MAGI2: variants seen among roughly 807,000 people sequenced by gnomAD.
MAGI2 encodes the protein membrane-associated guanylate kinase, WW and PDZ domain-containing protein 2.
Under a neutral mutation model 133.3 loss-of-function variants are expected in MAGI2, and 35 were observed. That is an observed-to-expected ratio of 0.26 (90% CI 0.20 to 0.35). The LOEUF (loss-of-function observed/expected upper bound fraction) is 0.35, where lower values mean the gene tolerates loss of function less well. Among genes scored for constraint, MAGI2 ranks in the 10% least tolerant of loss-of-function variants. The probability of loss-of-function intolerance (pLI) is 1.00; values close to 1 mark genes in which losing one functional copy is unlikely to be tolerated. For missense variants in MAGI2, 1,636 were observed against 1,863.4 expected (o/e 0.88, Z 2.25); for synonymous variants, 729 against 710.6 (o/e 1.03, Z -0.41).
chr7:78,379,348 C>G lies in MAGI2; in HGVS notation c.1046-10135G>C, dbSNP rs1240426574. 2.0e-5 allele frequency among the ~76,000 whole-genome samples: 3 copies of G among 151,900 alleles called. No individual in the cohort carries two copies. In the East Asian group the frequency reaches 5.8e-4, roughly 29 times the overall value. On this transcript the variant is annotated intron_variant, in intron 6 of 21. Coordinates refer to ENST00000354212, the MANE Select transcript of MAGI2 (RefSeq NM_012301.4). ...CATTTAAAGAAAGTGACTCAGAGAG[C>G]TAAAAATAAAGTTTGGGCAAAGATA...
chr7:78,944,045 G>A (rs1027043335), intron 2 of MAGI2, among the ~76,000 whole-genome samples: 1 of 152,112 alleles, frequency 6.6e-6, no homozygotes, highest in Non-Finnish European at 1.5e-5. Flanking sequence ...TAGTAGGTGT[G>A]ACACACACTA....
intron 1 of MAGI2, among the ~76,000 whole-genome samples, chr7:79,445,296 A>C (rs942417729): frequency 4.6e-5 from 7 of 152,192 alleles, no homozygotes; most frequent in Admixed American, 3.3e-4. Flanking sequence ...AATGGCAACA[A>C]AATCCAAAAT....
At chr7:78,393,696 T>C (rs531382778) in intron 6 of MAGI2, among the ~76,000 whole-genome samples, 33 of 152,182 alleles carry the variant, frequency 2.2e-4, no homozygotes, top group Non-Finnish European at 3.5e-4. Context: ...GTGAGAGACA[T>C]TGACAAGGAA....
At chr7:78,155,087 C>G (rs1199800941) in intron 16 of MAGI2, among the ~76,000 whole-genome samples, 1 of 152,152 alleles carries the variant, frequency 6.6e-6, no homozygotes, top group African/African-American at 2.4e-5. Flanking sequence ...TTCCAATTTT[C>G]TATGCTTAAC....
intron 9 of MAGI2, among the ~76,000 whole-genome samples, chr7:78,294,902 G>A (rs894006986): frequency 1.3e-5 from 2 of 152,048 alleles, no homozygotes; most frequent in African/African-American, 4.8e-5. Flanking sequence ...TCCAAATACT[G>A]CTGTTTAATG....
rs1170550222 is a variant in MAGI2 at position 79,095,267 on chromosome 7, T to C, written c.302-88061A>G. Among the ~76,000 whole-genome samples the C allele has an allele frequency of 3.9e-5, 6 of 152,226 alleles. No homozygotes were observed. In the East Asian group the frequency reaches 9.6e-4, roughly 24 times the overall value. ...TGGATTAACCTTTGACACAAGACAG[T>C]GCGGTGGCTTGTTTGACAATCTGTC... is the stretch of plus-strand genomic sequence containing the variant. On this transcript the variant is annotated intron_variant, in intron 1 of 21. Coordinates refer to ENST00000354212, the MANE Select transcript of MAGI2 (RefSeq NM_012301.4).
At position 78,070,174 on chromosome 7, in the gene MAGI2, C is replaced by CATATAT. The variant is rs57714371; in HGVS notation, c.3706+8767_3706+8772dup. ...ACACACATATATATACACACACACA[C>CATATAT]ATATATATATATATATATATATATA... On this transcript the variant is annotated intron_variant, in intron 21 of 21. Coordinates refer to ENST00000354212, the MANE Select transcript of MAGI2 (RefSeq NM_012301.4). Among the ~76,000 whole-genome samples the CATATAT allele has an allele frequency of 5.5e-3, 311 of 56,436 alleles. 2 individuals carry two copies. Among genetic ancestry groups the CATATAT allele is most frequent in the Middle Eastern group, 0.011 (1 of 92 alleles). The allele number at this position is 56,436 out of a possible 152,430, so 37.0% of individuals were successfully genotyped here. A position where few individuals can be genotyped will look rare whatever the true frequency, so the allele number is the denominator to read the frequency against.
intron 1 of MAGI2, chr7:79,125,860 G>T: frequency 4.4e-6 from 2 of 459,426 alleles, no homozygotes; most frequent in South Asian, 3.1e-5. Flanking sequence ...AGGAGAGCCA[G>T]AGAGTGACAG....
rs565036579 is a variant in MAGI2 at position 78,674,170 on chromosome 7, C to CT, written c.419-46932dup. 6.2e-3 allele frequency among the ~76,000 whole-genome samples: 939 copies of CT among 151,182 alleles called. 5 individuals carry two copies. The highest frequency in any genetic ancestry group is 0.011 in the Non-Finnish European group (734 of 67,824). ...AGTTGAAAGTTAATCAGGAGAGAGG[C>CT]TTTTTTTTGCATAGTGCTAATTCAA... On this transcript the variant is annotated intron_variant, in intron 2 of 21. Transcript: ENST00000354212.
intron 2 of MAGI2, among the ~76,000 whole-genome samples, chr7:78,996,636 G>A (rs749891146): frequency 6.6e-6 from 1 of 151,932 alleles, no homozygotes; most frequent in East Asian, 1.9e-4. Context: ...GTAACAAAAC[G>A]GCACTTGTAT....
intron 1 of MAGI2, among the ~76,000 whole-genome samples, chr7:79,244,013 C>T (rs992453534): frequency 7.9e-5 from 12 of 151,322 alleles, no homozygotes; most frequent in African/African-American, 2.9e-4. Context: ...GTGGAAGAAA[C>T]GAAAGAAAAA....
intron 2 of MAGI2, among the ~76,000 whole-genome samples, chr7:78,862,027 T>C (rs2151502656): frequency 6.6e-6 from 1 of 152,338 alleles, no homozygotes; most frequent in Non-Finnish European, 1.5e-5. Flanking sequence ...GACAGAAATA[T>C]TACTAATAAG....
chr7:78,531,505 C>A (rs916903930), intron 3 of MAGI2, among the ~76,000 whole-genome samples: 4 of 152,104 alleles, frequency 2.6e-5, no homozygotes, highest in African/African-American at 4.8e-5. Context: ...CGCCACCACA[C>A]CTGGCCTTAT....
intron 1 of MAGI2, among the ~76,000 whole-genome samples, chr7:79,449,951 G>A (rs1035606935): frequency 1.4e-4 from 20 of 145,670 alleles, no homozygotes; most frequent in Non-Finnish European, 2.7e-4. Flanking sequence ...TTAAAATTAT[G>A]ACAGATGAAA....
intron 10 of MAGI2, among the ~76,000 whole-genome samples, chr7:78,214,374 G>T (rs1240743334): frequency 6.6e-6 from 1 of 152,036 alleles, no homozygotes; most frequent in Non-Finnish European, 1.5e-5. Flanking sequence ...TACCTATTTT[G>T]TTATAGATGC....
chr7:78,833,590 C>G (rs8180805), intron 2 of MAGI2, among the ~76,000 whole-genome samples: 1 of 152,108 alleles, frequency 6.6e-6, no homozygotes. Context: ...CTGCCTTTGA[C>G]GGCAAAGTGG....
intron 2 of MAGI2, among the ~76,000 whole-genome samples, chr7:78,942,155 A>G (rs1170701549): frequency 6.6e-6 from 1 of 152,148 alleles, no homozygotes; most frequent in African/African-American, 2.4e-5. Flanking sequence ...CTTGATCCCA[A>G]CAATAGAAGC....
At chr7:78,834,074 T>G in intron 2 of MAGI2, among the ~76,000 whole-genome samples, 1 of 152,008 alleles carries the variant, frequency 6.6e-6, no homozygotes, top group Non-Finnish European at 1.5e-5. Context: ...TCATAGCTCA[T>G]TGCAGCCTTG....
chr7:78,515,222 G>A (rs1584465256), intron 4 of MAGI2, among the ~76,000 whole-genome samples: 1 of 152,242 alleles, frequency 6.6e-6, no homozygotes, highest in East Asian at 1.9e-4. Context: ...TTTCCTGAAG[G>A]AGAGTTCAAT....
Sources: gnomAD v4.1 joint callset for allele counts (sites outside exome capture counted in the v4.1 genomes callset) on GRCh38, gnomAD v4.1.1 for gene constraint, MANE v1.5 for transcripts, NCBI Gene and HGNC (gene_info 2026-07-23, HGNC 2026-07-21) for gene names.